GINS1: variants seen among roughly 807,000 people sequenced by gnomAD.
GINS1 encodes DNA replication complex GINS protein PSF1.
GINS1 carries 26 observed loss-of-function variants against 34.9 expected under a neutral mutation model. That is an observed-to-expected ratio of 0.74 (90% CI 0.55 to 1.03). The LOEUF (loss-of-function observed/expected upper bound fraction) is 1.03. Ranked by LOEUF, GINS1 falls within the 50% of genes least tolerant of loss-of-function variation. The pLI is 0.00. For missense variants in GINS1, 235 were observed against 237.9 expected (o/e 0.99, Z 0.08); for synonymous variants, 97 against 84.4 (o/e 1.15, Z -0.82).
At chr20:25,420,800 A>G (rs1479856625) in intron 4 of GINS1, 2 of 921,556 alleles carry the variant, frequency 2.2e-6, no homozygotes, top group Non-Finnish European at 2.6e-6. Context: ...AAAAAAAGAA[A>G]AAAAGAAAAA....
intron 5 of GINS1, among the ~76,000 whole-genome samples, chr20:25,431,801 A>G (rs1293038848): frequency 6.6e-6 from 1 of 151,766 alleles, no homozygotes. Flanking sequence ...TGAACTCCTT[A>G]CCTCAAGTGA....
At chr20:25,408,989 G>A (rs1169391205) in intron 1 of GINS1, 1 of 984,854 alleles carries the variant, frequency 1.0e-6, no homozygotes. Flanking sequence ...GGAGCACGAA[G>A]GAGAAACACC....
intron 4 of GINS1, chr20:25,420,783 A>T: frequency 4.2e-5 from 1 of 23,854 alleles, no homozygotes; most frequent in Non-Finnish European, 4.9e-5. Context: ...CCCTGTCTCA[A>T]AAAAAAAAAA....
Position 25,407,713 on chromosome 20 carries a change from C to T in GINS1, c.-108C>T. On this transcript the variant is annotated 5_prime_UTR_variant, in exon 1 of 7. Transcript: ENST00000262460. ...GCGGAGCGGAGGCCGAGGCGAGAGC[C>T]TGGCGCTGTAGGACTAGAACGAAAG... 1.2e-6 allele frequency: 1 copy of T among 865,546 alleles called. No individual in the cohort carries two copies. The highest frequency in any genetic ancestry group is 1.5e-5 in the South Asian group (1 of 68,438). 53.6% of individuals were successfully genotyped at this position (865,546 alleles called of 1,614,324 possible).
At chr20:25,442,273 A>C (rs2090485707) in intron 6 of GINS1, among the ~76,000 whole-genome samples, 2 of 152,218 alleles carry the variant, frequency 1.3e-5, no homozygotes. Flanking sequence ...GGAAGATTAA[A>C]ATTGTAAAGT....
rs11482627 is a variant in GINS1 at position 25,443,476 on chromosome 20, CTTTTTTTTTTT to C, written c.522+1709_522+1719del. ...CAAATGCTGTCCTGTGGTTGAATTT[CTTTTTTTTTTT>C]TTTTTTTTGAGACAAAGTCTCGCTC... On this transcript the variant is annotated intron_variant, in intron 6 of 6. Transcript: ENST00000262460. Among the ~76,000 whole-genome samples the C allele has an allele frequency of 8.8e-5, 11 of 124,732 alleles. No homozygotes were observed. In the East Asian group the frequency reaches 1.2e-3, roughly 13 times the overall value. 81.8% of individuals were successfully genotyped at this position (124,732 alleles called of 152,430 possible).
intron 1 of GINS1, among the ~76,000 whole-genome samples, chr20:25,410,257 C>G (rs1371042909): frequency 2.0e-5 from 3 of 151,800 alleles, no homozygotes; most frequent in Non-Finnish European, 4.4e-5. Flanking sequence ...AGGAGAATGG[C>G]TTGAATCTGG....
rs1363218708 is a variant in GINS1 at position 25,412,086 on chromosome 20, C to T, written c.76-1704C>T. On this transcript the variant is annotated intron_variant, in intron 1 of 6. Coordinates refer to ENST00000262460, the MANE Select transcript of GINS1 (RefSeq NM_021067.5). ...TCGCACTACTGCACTCCAACCTGGGCCACAGAGTGAGACTTCATCTCAACA... is the reference window on the plus strand; with the variant it reads ...TCGCACTACTGCACTCCAACCTGGGTCACAGAGTGAGACTTCATCTCAACA... 2.0e-5 allele frequency among the ~76,000 whole-genome samples: 3 copies of T among 151,856 alleles called. No homozygotes were observed. The East Asian group carries it at 5.8e-4, about 29-fold the overall frequency.
In GINS1 at chr20:25,425,315, C is replaced by T; in HGVS notation, c.435C>T (p.Ser145=). ...CACAGGATATGAAACCACCAAAAAG[C>T]CTATATATTGAAGTATGTATATCTT... The part of the protein sequence containing the change: ...DITQDMKPPK[S]LYIEVRCLKD... Residue 145 remains serine, a synonymous_variant, in exon 5 of 7, where the codon AGC becomes AGT. Coordinates refer to ENST00000262460, the MANE Select transcript of GINS1 (RefSeq NM_021067.5). The T allele has an allele frequency of 7.2e-7, 1 of 1,388,540 alleles. No homozygotes were observed. 86.0% of individuals were successfully genotyped at this position (1,388,540 alleles called of 1,614,324 possible). A position where few individuals can be genotyped will look rare whatever the true frequency, so the allele number is the denominator to read the frequency against.
chr20:25,413,820 A>G lies in GINS1; in HGVS notation c.106A>G (p.Met36Val), dbSNP rs190474037. Reference sequence around the variant, plus strand: ...TGGACTCAGACAAGTTCTGGAGGAGATGAAAGCTTTGTATGAACAAAACCA... The same window carrying G: ...TGGACTCAGACAAGTTCTGGAGGAGGTGAAAGCTTTGTATGAACAAAACCA... ...EDGLRQVLEE[M>V]KALYEQNQSD... The change falls in exon 2 of 7, where the codon ATG becomes GTG. Residue 36 changes from methionine to valine, a missense_variant. Physicochemically the swap from Met to Val is conservative, Grantham distance 21. Coordinates refer to ENST00000262460, the MANE Select transcript of GINS1 (RefSeq NM_021067.5). The G allele has an allele frequency of 1.0e-5, 16 of 1,586,666 alleles. No individual in the cohort carries two copies. Among genetic ancestry groups the G allele is most frequent in the African/African-American group, 5.4e-5 (4 of 74,528 alleles).
At chr20:25,443,980 TTATCTATCTATCTATC>T (rs35231046) in intron 6 of GINS1, among the ~76,000 whole-genome samples, 1 of 142,802 alleles carries the variant, frequency 7.0e-6, no homozygotes, top group African/African-American at 2.6e-5. Context: ...TAGGAAACAT[TTATCTATCTATCTATC>T]TATCTATCTA....
chr20:25,444,900 T>A (rs2090502605), intron 6 of GINS1, among the ~76,000 whole-genome samples: 1 of 152,214 alleles, frequency 6.6e-6, no homozygotes, highest in South Asian at 2.1e-4. Context: ...AGGAAAGTTG[T>A]CACTTGTTAT....
chr20:25,433,105 C>T (rs892291854), intron 5 of GINS1, among the ~76,000 whole-genome samples: 9 of 151,858 alleles, frequency 5.9e-5, no homozygotes, highest in Non-Finnish European at 1.3e-4. Flanking sequence ...GTGATTGGAT[C>T]GTTTTGTTTA....
rs180757520 is a variant in GINS1 at position 25,420,513 on chromosome 20, G to T, written c.330+2318G>T. On this transcript the variant is annotated intron_variant, in intron 4 of 6. Transcript: ENST00000262460. Reference sequence around the variant, plus strand: ...CTGAGATAGTTTCTTGGAAGAGTTTGTGAATTACTGCAAAACTGGCAAATG... The same window carrying T: ...CTGAGATAGTTTCTTGGAAGAGTTTTTGAATTACTGCAAAACTGGCAAATG... 4.6e-5 allele frequency among the ~76,000 whole-genome samples: 7 copies of T among 152,250 alleles called. No homozygotes were observed. In the East Asian group the frequency reaches 1.4e-3, roughly 29 times the overall value.
chr20:25,443,342 T>C (rs1239996792), intron 6 of GINS1, among the ~76,000 whole-genome samples: 4 of 152,214 alleles, frequency 2.6e-5, no homozygotes, highest in Admixed American at 1.3e-4. Flanking sequence ...AATGAATTAA[T>C]GCTCTGATAA....
At chr20:25,413,056 A>ATTTTTTT (rs753937496) in intron 1 of GINS1, among the ~76,000 whole-genome samples, 6 of 135,954 alleles carry the variant, frequency 4.4e-5, no homozygotes, top group Non-Finnish European at 4.8e-5. Flanking sequence ...TCAGTAGTTC[A>ATTTTTTT]TTTTTTTTTT....
At chr20:25,429,366 A>G (rs1568805521) in intron 5 of GINS1, among the ~76,000 whole-genome samples, 1 of 152,132 alleles carries the variant, frequency 6.6e-6, no homozygotes. Context: ...TGTTTCTCCA[A>G]AAGACACTTT....
chr20:25,439,470 C>T (rs2090471044), intron 5 of GINS1, among the ~76,000 whole-genome samples: 2 of 151,936 alleles, frequency 1.3e-5, no homozygotes, highest in South Asian at 4.2e-4. Flanking sequence ...ACCAGGTGTT[C>T]AAGCCTGCAG....
chr20:25,433,067 T>A (rs1053642767), intron 5 of GINS1, among the ~76,000 whole-genome samples: 2 of 152,000 alleles, frequency 1.3e-5, no homozygotes, highest in African/African-American at 4.8e-5. Context: ...TGTCTTTGGG[T>A]CTATAGTGAG....
Sources: gnomAD v4.1 joint callset for allele counts (sites outside exome capture counted in the v4.1 genomes callset) on GRCh38, gnomAD v4.1.1 for gene constraint, MANE v1.5 for transcripts, NCBI Gene and HGNC (gene_info 2026-07-23, HGNC 2026-07-21) for gene names.